Variants in SUMF1 observed in about 807,000 individuals in gnomAD.
SUMF1 encodes formylglycine-generating enzyme.
SUMF1 carries 48 observed loss-of-function variants against 47.6 expected under a neutral mutation model. The observed-to-expected ratio is 1.01, with a 90% CI of 0.80 to 1.28. The LOEUF is 1.28. Among genes scored for constraint, SUMF1 ranks in the 50% most tolerant of loss-of-function variants. SUMF1 has a pLI of 0.00. For synonymous variants in SUMF1, 230 were observed against 192.1 expected, an observed-to-expected ratio of 1.20 and a Z score of -1.63; for missense variants, 571 against 485.4, an observed-to-expected ratio of 1.18 and a Z score of -1.66.
chr3:4,149,022 G>A (rs1022833292), intron 8 of SUMF1, among the ~76,000 whole-genome samples: 2 of 152,094 alleles, frequency 1.3e-5, no homozygotes, highest in Non-Finnish European at 2.9e-5. Flanking sequence ...AGAGAGACCT[G>A]AAGTTAGAGG....
chr3:4,264,441 A>G (rs1258083010), intron 8 of SUMF1, among the ~76,000 whole-genome samples: 1 of 152,122 alleles, frequency 6.6e-6, no homozygotes, highest in Non-Finnish European at 1.5e-5. Context: ...CAAACAGGGG[A>G]GGTTGGAGTG....
Position 4,210,027 on chromosome 3 carries a change from T to C in SUMF1, c.1015-141282A>G, listed in dbSNP as rs1695745594. Among the ~76,000 whole-genome samples the C allele has an allele frequency of 3.9e-5, 6 of 152,092 alleles. No homozygotes were observed. The South Asian group carries it at 8.3e-4, about 21-fold the overall frequency. On this transcript the variant is annotated intron_variant and NMD_transcript_variant, in intron 8 of 12. Coordinates refer to the SUMF1 transcript ENST00000448413. ...CTCCTGCCTCAGCCTCCCGAGTAGC[T>C]GAGATTACAGGTGTGTTCCACCACA...
chr3:4,418,809 T>C (rs1180943745), intron 4 of SUMF1, among the ~76,000 whole-genome samples: 1 of 152,156 alleles, frequency 6.6e-6, no homozygotes, highest in Admixed American at 6.5e-5. Context: ...CCGGTCTTTT[T>C]TTCCTGAGGG....
chr3:4,268,924 A>G (rs1697252061), intron 8 of SUMF1, among the ~76,000 whole-genome samples: 1 of 152,056 alleles, frequency 6.6e-6, no homozygotes, highest in South Asian at 2.1e-4. Flanking sequence ...ATATGCTTTC[A>G]CTTAAGTTGC....
intron 8 of SUMF1, among the ~76,000 whole-genome samples, chr3:4,365,923 A>G (rs950553778): frequency 6.6e-6 from 1 of 152,084 alleles, no homozygotes; most frequent in Non-Finnish European, 1.5e-5. Context: ...TAGCAACAAA[A>G]TCTCTCAGCA....
At chr3:4,266,115 C>T (rs1390090367) in intron 8 of SUMF1, among the ~76,000 whole-genome samples, 88 of 152,150 alleles carry the variant, frequency 5.8e-4, no homozygotes, top group South Asian at 6.2e-4. Flanking sequence ...CAGTACCATG[C>T]TGTTTTGGTT....
At position 4,460,659 on chromosome 3, in the gene SUMF1, TA is replaced by T. The variant is rs1175017769; in HGVS notation, c.270+6316del. On this transcript the variant is annotated intron_variant, in intron 1 of 8. Coordinates refer to ENST00000272902, the MANE Select transcript of SUMF1 (RefSeq NM_182760.4). ...GTGTGTATATATATACATATATATA[TA>T]TATATATTTTTTAAGAGATGGAGTC... 2.4e-4 allele frequency among the ~76,000 whole-genome samples: 35 copies of T among 148,612 alleles called. 2 individuals are homozygous for T. The highest frequency in any genetic ancestry group is 1.6e-3 in the East Asian group (8 of 5,108).
intron 8 of SUMF1, among the ~76,000 whole-genome samples, chr3:4,215,259 C>T (rs867694572): frequency 6.6e-6 from 1 of 152,142 alleles, no homozygotes; most frequent in African/African-American, 2.4e-5. Flanking sequence ...AATCAATAAA[C>T]ATAATCCATC....
intron 8 of SUMF1, among the ~76,000 whole-genome samples, chr3:4,329,206 G>A (rs531512335): frequency 1.3e-5 from 2 of 152,324 alleles, no homozygotes; most frequent in African/African-American, 4.8e-5. Flanking sequence ...TCTGGGGTCT[G>A]GAGGACGGTG....
At chr3:4,186,692 A>G (rs1291453149) in intron 8 of SUMF1, among the ~76,000 whole-genome samples, 1 of 152,148 alleles carries the variant, frequency 6.6e-6, no homozygotes, top group Non-Finnish European at 1.5e-5. Flanking sequence ...TGGCTTGCAT[A>G]CTAACTACAG....
intron 8 of SUMF1, among the ~76,000 whole-genome samples, chr3:4,207,229 G>A (rs746327285): frequency 8.6e-5 from 13 of 151,936 alleles, no homozygotes; most frequent in Non-Finnish European, 1.2e-4. Flanking sequence ...GCTTATTAAG[G>A]CAGATTCCTT....
intron 2 of SUMF1, among the ~76,000 whole-genome samples, chr3:4,450,542 A>G (rs1431846050): frequency 6.6e-6 from 1 of 152,142 alleles, no homozygotes; most frequent in African/African-American, 2.4e-5. Flanking sequence ...TGTATCAAAC[A>G]CCTACCATGT....
intron 8 of SUMF1, among the ~76,000 whole-genome samples, chr3:4,345,235 G>A (rs557931569): frequency 2.0e-5 from 3 of 152,190 alleles, no homozygotes; most frequent in Non-Finnish European, 2.9e-5. Flanking sequence ...ATAATCGTCA[G>A]ATTCTCCAAG....
At chr3:4,242,702 G>T (rs909447145) in intron 8 of SUMF1, among the ~76,000 whole-genome samples, 13 of 152,084 alleles carry the variant, frequency 8.5e-5, no homozygotes, top group Non-Finnish European at 1.6e-4. Context: ...CTTTTGCATC[G>T]ATGTTCATCA....
At chr3:4,181,149 G>A (rs1398855232) in intron 8 of SUMF1, among the ~76,000 whole-genome samples, 1 of 152,182 alleles carries the variant, frequency 6.6e-6, no homozygotes, top group Non-Finnish European at 1.5e-5. Context: ...CTCCCATTGT[G>A]CTTCCTCATG....
chr3:4,066,732 A>C (rs1695385450), intron 9 of SUMF1, among the ~76,000 whole-genome samples: 1 of 152,152 alleles, frequency 6.6e-6, no homozygotes, highest in Admixed American at 6.6e-5. Context: ...TGTCACCTGC[A>C]ATATAACAAA....
chr3:4,378,484 A>G lies in SUMF1; in HGVS notation c.955-2095T>C, dbSNP rs117777449. Among the ~76,000 whole-genome samples, 916 of 152,354 alleles carry G rather than the reference A, an allele frequency of 6.0e-3. 6 individuals carry two copies. Among genetic ancestry groups the G allele is most frequent in the East Asian group, 0.02 (103 of 5,188 alleles). ...TTCCTCCTTCAACTGCAGGGCTACA[A>G]TATTTCCAAGGCCTTAAATGCTTAA... On this transcript the variant is annotated intron_variant, in intron 7 of 8. Transcript: ENST00000272902.
At chr3:4,215,651 T>A (rs935677512) in intron 8 of SUMF1, among the ~76,000 whole-genome samples, 3 of 152,124 alleles carry the variant, frequency 2.0e-5, no homozygotes, top group Admixed American at 2.0e-4. Context: ...AACCCCATAG[T>A]CTCAGCCCAA....
chr3:4,452,850 C>A, intron 2 of SUMF1, 26 bp downstream of exon 2: 1 of 1,613,746 alleles, frequency 6.2e-7, no homozygotes, highest in Non-Finnish European at 8.5e-7. Context: ...AGAACAAGTT[C>A]TCCCTCCTTT....
Sources: gnomAD v4.1 joint callset for allele counts (sites outside exome capture counted in the v4.1 genomes callset) on GRCh38, gnomAD v4.1.1 for gene constraint, MANE v1.5 for transcripts, NCBI Gene and HGNC (gene_info 2026-07-23, HGNC 2026-07-21) for gene names.